Variants in CD80 observed in about 807,000 individuals in gnomAD.
CD80 encodes T-lymphocyte activation antigen CD80.
A neutral mutation model predicts 27.1 loss-of-function variants in CD80; 13 were observed. That is an observed-to-expected ratio of 0.48 (90% CI 0.31 to 0.76). CD80 has a LOEUF of 0.76. Among genes scored for constraint, CD80 ranks in the 30% least tolerant of loss-of-function variants. The probability of loss-of-function intolerance (pLI) is 0.04; values close to 1 mark genes in which losing one functional copy is unlikely to be tolerated. For synonymous variants in CD80, 125 were observed against 125.5 expected, an observed-to-expected ratio of 1.00 and a Z score of 0.03; for missense variants, 277 against 347.9, an observed-to-expected ratio of 0.80 and a Z score of 1.62.
intron 3 of CD80, among the ~76,000 whole-genome samples, chr3:119,543,728 A>G (rs2082184348): frequency 1.3e-5 from 2 of 151,126 alleles, no homozygotes; most frequent in Admixed American, 1.3e-4. Context: ...ACCTGGCCCA[A>G]TTCTCTAACA....
intron 2 of CD80, among the ~76,000 whole-genome samples, chr3:119,550,672 C>T (rs1417407555): frequency 6.6e-6 from 1 of 152,190 alleles, no homozygotes; most frequent in Admixed American, 6.5e-5. Context: ...CTCAATATTA[C>T]TGTCTCAAAC....
At chr3:119,538,675 G>T (rs1380171323) in intron 3 of CD80, among the ~76,000 whole-genome samples, 1 of 152,192 alleles carries the variant, frequency 6.6e-6, no homozygotes, top group Non-Finnish European at 1.5e-5. Context: ...GCTCCATGAA[G>T]TTGTGTTTCC....
At chr3:119,532,523 C>G (rs568692101) in intron 4 of CD80, among the ~76,000 whole-genome samples, 10 of 151,756 alleles carry the variant, frequency 6.6e-5, no homozygotes, top group African/African-American at 2.4e-4. Context: ...GAAGTGCCAT[C>G]TGATTTCTAA....
chr3:119,557,451 T>C (rs997926265), intron 2 of CD80, among the ~76,000 whole-genome samples, 178 bp downstream of exon 2: 9 of 152,336 alleles, frequency 5.9e-5, no homozygotes, highest in African/African-American at 1.9e-4. Context: ...TGTGTGATGA[T>C]AGGCAGGTCC....
At chr3:119,548,563 T>G (rs1577112090) in intron 2 of CD80, among the ~76,000 whole-genome samples, 1 of 152,314 alleles carries the variant, frequency 6.6e-6, no homozygotes. Context: ...ATGAGGAAAC[T>G]GAGCTGAGGA....
At chr3:119,541,953 T>C (rs1393669416) in intron 3 of CD80, among the ~76,000 whole-genome samples, 1 of 152,084 alleles carries the variant, frequency 6.6e-6, no homozygotes, top group Non-Finnish European at 1.5e-5. Context: ...TTTATCTTTC[T>C]ATCCAAATTC....
At chr3:119,527,628 T>G (rs1174147854) in intron 6 of CD80, 105 bp downstream of exon 6, 3 of 616,470 alleles carry the variant, frequency 4.9e-6, no homozygotes, top group South Asian at 2.4e-5. Context: ...TGAAAGAGGT[T>G]TTTAAGAAGG....
intron 2 of CD80, 32 bp downstream of exon 2, chr3:119,557,597 T>C (rs867046751): frequency 1.3e-6 from 2 of 1,489,932 alleles, no homozygotes; most frequent in South Asian, 1.1e-5. Flanking sequence ...CCTGTAGCAG[T>C]TGACTCAGTT....
At chr3:119,534,840 G>C (rs1021571032) in intron 4 of CD80, among the ~76,000 whole-genome samples, 1 of 152,116 alleles carries the variant, frequency 6.6e-6, no homozygotes, top group East Asian at 1.9e-4. Flanking sequence ...TCATGTCAAA[G>C]TTTGGTTTAT....
At chr3:119,550,537 A>G (rs369807586) in intron 2 of CD80, among the ~76,000 whole-genome samples, 2 of 152,290 alleles carry the variant, frequency 1.3e-5, no homozygotes, top group East Asian at 3.9e-4. Context: ...ATTTGCCCAA[A>G]TTTATATCAG....
intron 2 of CD80, among the ~76,000 whole-genome samples, chr3:119,545,260 C>G (rs1296531930): frequency 2.0e-5 from 3 of 152,148 alleles, no homozygotes; most frequent in Non-Finnish European, 1.5e-5. Context: ...AGGAGAATCA[C>G]TTGAACCCAG....
Position 119,545,009 on chromosome 3 carries a change from C to T in CD80, c.101-142G>A. On this transcript the variant is annotated intron_variant, in intron 2 of 6. Coordinates refer to ENST00000264246, the MANE Select transcript of CD80 (RefSeq NM_005191.4). Reference sequence around the variant, plus strand: ...TCAATCCAGTTTGATTTTTGGGGTCCCCAATGCTTTTTTTCTCTTCATTTT... The same window carrying T: ...TCAATCCAGTTTGATTTTTGGGGTCTCCAATGCTTTTTTTCTCTTCATTTT... 4.5e-6 allele frequency: 3 copies of T among 666,696 alleles called. No individual in the cohort carries two copies. The South Asian group carries it at 6.4e-5, about 14-fold the overall frequency. 41.3% of individuals were successfully genotyped at this position (666,696 alleles called of 1,614,324 possible).
chr3:119,529,985 C>T, intron 4 of CD80, 48 bp from the exon 5 acceptor site: 1 of 1,316,954 alleles, frequency 7.6e-7, no homozygotes, highest in Non-Finnish European at 1.1e-6. Context: ...TTCCTACTGC[C>T]TGATACTCAT....
In CD80 at chr3:119,544,668, G is replaced by A. The variant is rs745680949; in HGVS notation, c.300C>T (p.Ser100=). The part of the protein sequence containing the change: ...RTIFDITNNL[S]IVILALRPSD... ...ATGGGCGCAGAGCCAGGATCACAAT[G>A]GAGAGGTTATTAGTGATATCAAAGA... is the stretch of plus-strand genomic sequence containing the variant. The change falls in exon 3 of 7, where the codon TCC becomes TCT. Residue 100 remains serine, a synonymous_variant. Coordinates refer to ENST00000264246, the MANE Select transcript of CD80 (RefSeq NM_005191.4). 6.2e-7 allele frequency: 1 copy of A among 1,614,140 alleles called. No individual in the cohort carries two copies.
chr3:119,537,214 A>G lies in CD80; in HGVS notation c.623T>C (p.Met208Thr), dbSNP rs948505101. 6.2e-7 allele frequency: 1 copy of G among 1,614,010 alleles called. No individual in the cohort carries two copies. The highest frequency in any genetic ancestry group is 1.1e-5 in the South Asian group (1 of 91,088). ...YAVSSKLDFNMTTNHSFMCLI... is the reference protein window; with the variant it reads ...YAVSSKLDFNTTTNHSFMCLI... The stretch of plus-strand genomic sequence containing the variant: ...ACACATGAAGCTGTGGTTGGTTGTC[A>G]TATTGAAATCCAGTTTGCTGCTAAC... Residue 208 changes from methionine to threonine, a missense_variant, in exon 4 of 7, where the codon ATG (methionine) becomes ACG (threonine). Met to Thr is a moderately conservative substitution (Grantham distance 81). Coordinates refer to ENST00000264246, the MANE Select transcript of CD80 (RefSeq NM_005191.4).
chr3:119,556,086 T>G (rs1301657510), intron 2 of CD80, among the ~76,000 whole-genome samples: 1 of 152,224 alleles, frequency 6.6e-6, no homozygotes, highest in Non-Finnish European at 1.5e-5. Context: ...AACTAACATA[T>G]GCAGACCTCT....
At chr3:119,536,498 G>A (rs930125329) in intron 4 of CD80, among the ~76,000 whole-genome samples, 17 of 151,988 alleles carry the variant, frequency 1.1e-4, no homozygotes, top group African/African-American at 4.1e-4. Flanking sequence ...GTGTCACCAA[G>A]CCTGGCTAAT....
Position 119,527,828 on chromosome 3 carries a change from T to A in CD80, c.810A>T (p.Arg270Ser). Residue 270 changes from arginine (R) to serine (S), a missense_variant, in exon 6 of 7, where the codon AGA becomes AGT. Coordinates refer to ENST00000264246, the MANE Select transcript of CD80 (RefSeq NM_005191.4). ...ICCLTYCFAP[R>S]CRERRRNERL... ...TCTCATTCCTCCTTCTCTCTCTGCA[T>A]CTTGGGGCAAAGCCTTGGAGACAAG... 1.2e-6 allele frequency: 2 copies of A among 1,613,836 alleles called. No homozygotes were observed. Among genetic ancestry groups the A allele is most frequent in the South Asian group, 2.2e-5 (2 of 91,064 alleles).
At chr3:119,536,046 T>C (rs1276102246) in intron 4 of CD80, among the ~76,000 whole-genome samples, 1 of 151,904 alleles carries the variant, frequency 6.6e-6, no homozygotes, top group African/African-American at 2.4e-5. Context: ...GGTCAGGAGT[T>C]CGAGACCAGC....
Sources: gnomAD v4.1 joint callset for allele counts (sites outside exome capture counted in the v4.1 genomes callset) on GRCh38, gnomAD v4.1.1 for gene constraint, MANE v1.5 for transcripts, NCBI Gene and HGNC (gene_info 2026-07-23, HGNC 2026-07-21) for gene names.